RHOBTB1: variants seen among roughly 807,000 people sequenced by gnomAD.
RHOBTB1 encodes rho-related BTB domain-containing protein 1.
A neutral mutation model predicts 71.6 loss-of-function variants in RHOBTB1; 40 were observed. The observed-to-expected ratio is 0.56, with a 90% CI of 0.43 to 0.73. The LOEUF is 0.73. Among genes scored for constraint, RHOBTB1 ranks in the 30% least tolerant of loss-of-function variants. The pLI is 0.00. For missense variants in RHOBTB1, 797 were observed against 894.0 expected (o/e 0.89, Z 1.38); for synonymous variants, 319 against 334.9 (o/e 0.95, Z 0.52).
chr10:60,866,080 C>T (rs186666133), downstream of RHOBTB1, among the ~76,000 whole-genome samples: 175 of 152,296 alleles, frequency 1.1e-3, no homozygotes, highest in Middle Eastern at 3.4e-3. Flanking sequence ...GATATGACTG[C>T]CTTGGTCTCC....
intron 1 of RHOBTB1, among the ~76,000 whole-genome samples, chr10:60,989,066 A>G (rs894499218): frequency 2.6e-5 from 4 of 152,140 alleles, no homozygotes; most frequent in Admixed American, 2.0e-4. Flanking sequence ...TTTTCAGTCA[A>G]ATATCACTGT....
At position 60,891,524 on chromosome 10, in the gene RHOBTB1, T is replaced by C. The variant is rs1390759214; in HGVS notation, c.482+1286A>G. 2.6e-5 allele frequency among the ~76,000 whole-genome samples: 4 copies of C among 151,678 alleles called. No individual in the cohort carries two copies. The East Asian group carries it at 5.8e-4, about 22-fold the overall frequency. On this transcript the variant is annotated intron_variant, in intron 5 of 10. Transcript: ENST00000337910. ...CCTGGCTGATTTATTTTTATTTTTATTTTTCTAGAGACGTGGTCTCACTAT... is the reference window on the plus strand; with the variant it reads ...CCTGGCTGATTTATTTTTATTTTTACTTTTCTAGAGACGTGGTCTCACTAT...
intron 2 of RHOBTB1, among the ~76,000 whole-genome samples, chr10:60,932,286 T>C (rs78872599): frequency 6.6e-6 from 1 of 151,862 alleles, no homozygotes; most frequent in African/African-American, 2.4e-5. Context: ...CAGGCAAACA[T>C]AGAATTCTGT....
chr10:60,882,851 AC>A (rs2081388815), intron 7 of RHOBTB1, among the ~76,000 whole-genome samples: 1 of 152,126 alleles, frequency 6.6e-6, no homozygotes, highest in Admixed American at 6.6e-5. Context: ...AATACCCTTA[AC>A]CCCGTATGGA....
chr10:60,996,829 G>C (rs763562126), intron 1 of RHOBTB1, among the ~76,000 whole-genome samples: 1 of 152,022 alleles, frequency 6.6e-6, no homozygotes, highest in Non-Finnish European at 1.5e-5. Flanking sequence ...ATTTAACTAG[G>C]CATCCTGTAT....
intron 2 of RHOBTB1, among the ~76,000 whole-genome samples, chr10:60,923,547 G>A (rs1314230659): frequency 6.6e-6 from 1 of 152,150 alleles, no homozygotes; most frequent in Admixed American, 6.5e-5. Context: ...ATCTTTCTTT[G>A]TCTTTACTCA....
intron 7 of RHOBTB1, among the ~76,000 whole-genome samples, chr10:60,882,025 C>T (rs1217037621): frequency 1.3e-5 from 2 of 151,894 alleles, no homozygotes; most frequent in African/African-American, 4.8e-5. Context: ...TGCATTTTTT[C>T]CCCTCATGGC....
At chr10:60,994,316 A>G (rs74796329) in intron 1 of RHOBTB1, among the ~76,000 whole-genome samples, 6,811 of 152,290 alleles carry the variant, frequency 0.045, 211 homozygotes, top group African/African-American at 0.079. Context: ...TACAATAAAT[A>G]AAACAAAGTG....
chr10:60,980,341 A>G (rs2086455652), intron 2 of RHOBTB1, among the ~76,000 whole-genome samples: 2 of 152,216 alleles, frequency 1.3e-5, no homozygotes, highest in South Asian at 4.1e-4. Flanking sequence ...TGGTAAGTTG[A>G]ACACATTTTT....
chr10:60,929,509 A>G (rs540777738), intron 2 of RHOBTB1, among the ~76,000 whole-genome samples: 5 of 152,282 alleles, frequency 3.3e-5, no homozygotes, highest in African/African-American at 1.2e-4. Flanking sequence ...TGAAAATTAA[A>G]TACTAAAAAC....
At chr10:60,909,452 AT>A (rs1228145772) in intron 4 of RHOBTB1, among the ~76,000 whole-genome samples, 1 of 151,992 alleles carries the variant, frequency 6.6e-6, no homozygotes, top group Non-Finnish European at 1.5e-5. Context: ...CAGGCTCATC[AT>A]TTTCATGACA....
chr10:60,877,284 G>A (rs1289113175), intron 8 of RHOBTB1: 1 of 152,164 alleles, frequency 6.6e-6, no homozygotes, highest in African/African-American at 2.4e-5. Flanking sequence ...TTCTAAAATA[G>A]CTTTAAGAAA....
At chr10:60,873,400 T>A (rs1208365282) in intron 9 of RHOBTB1, among the ~76,000 whole-genome samples, 1 of 152,182 alleles carries the variant, frequency 6.6e-6, no homozygotes, top group African/African-American at 2.4e-5. Flanking sequence ...TGTTAAACAC[T>A]TACCAGCACA....
downstream of RHOBTB1, among the ~76,000 whole-genome samples, chr10:60,865,763 G>A (rs1274038361): frequency 1.3e-5 from 2 of 152,034 alleles, no homozygotes; most frequent in Admixed American, 6.5e-5. Flanking sequence ...TGAGTTCAGT[G>A]TTCCCTTCCC....
intron 2 of RHOBTB1, among the ~76,000 whole-genome samples, chr10:60,940,774 AT>A (rs929466240): frequency 1.4e-4 from 22 of 152,164 alleles, no homozygotes; most frequent in African/African-American, 4.1e-4. Flanking sequence ...GTGCTTGGAA[AT>A]TTTTTTCATG....
At chr10:60,921,463 C>A (rs1209219314) in intron 2 of RHOBTB1, among the ~76,000 whole-genome samples, 1 of 152,136 alleles carries the variant, frequency 6.6e-6, no homozygotes, top group Non-Finnish European at 1.5e-5. Context: ...CTGCAAACAT[C>A]CTTCCTTTAC....
chr10:60,891,969 G>A (rs79366628), intron 5 of RHOBTB1, among the ~76,000 whole-genome samples: 5,568 of 152,150 alleles, frequency 0.037, 176 homozygotes, highest in East Asian at 0.099. Context: ...AAGGGCATCC[G>A]CCTTTGCTCG....
chr10:60,885,822 G>A (rs115422528), intron 7 of RHOBTB1, among the ~76,000 whole-genome samples: 43 of 152,242 alleles, frequency 2.8e-4, no homozygotes, highest in African/African-American at 1.0e-3. Context: ...CATGGATGAG[G>A]ACGGCTCTGA....
intron 4 of RHOBTB1, among the ~76,000 whole-genome samples, chr10:60,902,964 C>T (rs939031498): frequency 6.6e-6 from 1 of 152,072 alleles, no homozygotes; most frequent in African/African-American, 2.4e-5. Flanking sequence ...CCTAAATATA[C>T]TAGGATAATA....
Sources: gnomAD v4.1 joint callset for allele counts (sites outside exome capture counted in the v4.1 genomes callset) on GRCh38, gnomAD v4.1.1 for gene constraint, MANE v1.5 for transcripts, NCBI Gene and HGNC (gene_info 2026-07-23, HGNC 2026-07-21) for gene names.